Variants in CNTNAP2 observed in about 807,000 individuals in gnomAD.
CNTNAP2 encodes contactin-associated protein-like 2.
In CNTNAP2, 98 loss-of-function variants were observed where a neutral mutation model predicts 155.2. The ratio of observed to expected loss-of-function variants is 0.63; its 90% confidence interval spans 0.54 to 0.75. CNTNAP2 has a LOEUF of 0.75. Ranked by LOEUF, CNTNAP2 falls within the 30% of genes least tolerant of loss-of-function variation. The probability of loss-of-function intolerance (pLI) is 0.00; values close to 1 mark genes in which losing one functional copy is unlikely to be tolerated. For missense variants in CNTNAP2, 1,727 were observed against 1,688.1 expected (o/e 1.02, Z -0.40); for synonymous variants, 651 against 631.2 (o/e 1.03, Z -0.47).
chr7:148,361,490 G>C (rs1164007220), intron 21 of CNTNAP2, among the ~76,000 whole-genome samples: 1 of 152,128 alleles, frequency 6.6e-6, no homozygotes, highest in Non-Finnish European at 1.5e-5. Context: ...GGGACTCAGA[G>C]GGGGAACTGT....
chr7:146,146,330 T>C (rs2116766227), intron 1 of CNTNAP2, among the ~76,000 whole-genome samples: 1 of 152,280 alleles, frequency 6.6e-6, no homozygotes, highest in African/African-American at 2.4e-5. Flanking sequence ...TATAGTGGGA[T>C]AAACTAAGGC....
At chr7:146,191,393 G>T (rs1157862384) in intron 1 of CNTNAP2, among the ~76,000 whole-genome samples, 2 of 152,146 alleles carry the variant, frequency 1.3e-5, no homozygotes, top group African/African-American at 4.8e-5. Flanking sequence ...AAGGCAAATG[G>T]GGACAGAGCG....
rs61426302 is a variant in CNTNAP2 at position 146,611,251 on chromosome 7, T to C, written c.98-163020T>C. Among the ~76,000 whole-genome samples the C allele has an allele frequency of 8.6e-3, 1,302 of 152,272 alleles. 13 individuals carry two copies. Among genetic ancestry groups the C allele is most frequent in the African/African-American group, 0.03 (1,234 of 41,554 alleles). On this transcript the variant is annotated intron_variant, in intron 1 of 23. Transcript: ENST00000361727. ...ACAGGCGAACCCCATTAGGCCCAGC[T>C]AATTTTTGCTTTATTTTTTTGTCGA...
intron 1 of CNTNAP2, among the ~76,000 whole-genome samples, chr7:146,674,838 T>G: frequency 6.6e-6 from 1 of 152,194 alleles, no homozygotes; most frequent in Non-Finnish European, 1.5e-5. Flanking sequence ...AGGTTTGTTA[T>G]GCAACCTTAA....
chr7:147,021,344 A>T (rs1436784868), intron 3 of CNTNAP2, among the ~76,000 whole-genome samples: 1 of 151,622 alleles, frequency 6.6e-6, no homozygotes, highest in Non-Finnish European at 1.5e-5. Flanking sequence ...CATCCCACAT[A>T]CTCCCTTGTT....
intron 21 of CNTNAP2, among the ~76,000 whole-genome samples, chr7:148,379,274 T>C (rs1281896340): frequency 1.3e-5 from 2 of 152,108 alleles, no homozygotes; most frequent in Non-Finnish European, 2.9e-5. Flanking sequence ...GGAACATTGA[T>C]AGAAAACTAT....
At chr7:147,868,356 G>T (rs1482932390) in intron 13 of CNTNAP2, among the ~76,000 whole-genome samples, 2 of 152,254 alleles carry the variant, frequency 1.3e-5, no homozygotes, top group South Asian at 4.2e-4. Context: ...TCCCAGAGGG[G>T]TGCCTGCCTA....
In CNTNAP2 at chr7:146,124,249, TA is replaced by T. The variant is rs575673203; in HGVS notation, c.97+7286del. On this transcript the variant is annotated intron_variant, in intron 1 of 23. Transcript: ENST00000361727. ...GTATCCCAGAACTTAAAGTAAAATT[TA>T]AAAAAAAAAGTGCTTATTGTCACTT... 9.4e-5 allele frequency among the ~76,000 whole-genome samples: 14 copies of T among 148,830 alleles called. No homozygotes were observed. The South Asian group carries it at 1.1e-3, about 11-fold the overall frequency.
At chr7:147,422,545 G>T (rs1029572129) in intron 10 of CNTNAP2, among the ~76,000 whole-genome samples, 8 of 152,104 alleles carry the variant, frequency 5.3e-5, no homozygotes, top group African/African-American at 1.9e-4. Flanking sequence ...CATTCCTGGG[G>T]TGTTTAGACC....
intron 13 of CNTNAP2, among the ~76,000 whole-genome samples, chr7:147,784,046 T>C (rs1321486501): frequency 6.6e-6 from 1 of 152,106 alleles, no homozygotes; most frequent in African/African-American, 2.4e-5. Flanking sequence ...TAGAGTTCCT[T>C]GATTTGTAGA....
chr7:147,199,281 C>A (rs35265883), intron 8 of CNTNAP2, among the ~76,000 whole-genome samples: 12,861 of 152,090 alleles, frequency 0.085, 563 homozygotes, highest in Non-Finnish European at 0.11. Context: ...ATCTTAGCAT[C>A]ATAGCATGAG....
chr7:146,753,257 A>G (rs1235024071), intron 1 of CNTNAP2, among the ~76,000 whole-genome samples: 1 of 151,040 alleles, frequency 6.6e-6, no homozygotes, highest in East Asian at 1.9e-4. Context: ...CAGTCAAATA[A>G]TAACTCAGGA....
At chr7:146,978,361 A>G (rs562046210) in intron 3 of CNTNAP2, among the ~76,000 whole-genome samples, 2 of 152,256 alleles carry the variant, frequency 1.3e-5, no homozygotes, top group South Asian at 4.1e-4. Flanking sequence ...CATGGAGGGC[A>G]CCAGCTGAGT....
intron 1 of CNTNAP2, among the ~76,000 whole-genome samples, chr7:146,659,386 G>A (rs1481954994): frequency 6.6e-6 from 1 of 152,170 alleles, no homozygotes; most frequent in Non-Finnish European, 1.5e-5. Flanking sequence ...ATAGATGATA[G>A]AAGTTATTAG....
intron 1 of CNTNAP2, among the ~76,000 whole-genome samples, chr7:146,334,863 C>T (rs920682333): frequency 6.6e-6 from 1 of 152,228 alleles, no homozygotes; most frequent in Non-Finnish European, 1.5e-5. Flanking sequence ...CTTCCCTGCA[C>T]ATGTAGGTTA....
At chr7:147,444,159 C>T (rs959816781) in intron 10 of CNTNAP2, among the ~76,000 whole-genome samples, 3 of 152,068 alleles carry the variant, frequency 2.0e-5, no homozygotes, top group Non-Finnish European at 2.9e-5. Context: ...TCTATTTTAC[C>T]CTTTAAGGGG....
chr7:146,206,128 A>T (rs780493584), intron 1 of CNTNAP2, among the ~76,000 whole-genome samples: 1 of 151,962 alleles, frequency 6.6e-6, no homozygotes, highest in South Asian at 2.1e-4. Context: ...AAATTATAAC[A>T]TAAGTTTGTA....
At chr7:146,865,039 A>G (rs1267011003) in intron 3 of CNTNAP2, among the ~76,000 whole-genome samples, 2 of 150,946 alleles carry the variant, frequency 1.3e-5, no homozygotes, top group African/African-American at 4.9e-5. Context: ...GCAACAGGTT[A>G]TAAGATTAAT....
intron 21 of CNTNAP2, among the ~76,000 whole-genome samples, chr7:148,343,753 T>C (rs555450963): frequency 6.6e-6 from 1 of 152,366 alleles, no homozygotes; most frequent in South Asian, 2.1e-4. Flanking sequence ...AATTCTGGAC[T>C]AGATTACTAA....
Sources: allele counts gnomAD v4.1 joint callset (sites outside exome capture counted in the v4.1 genomes callset), GRCh38; gene constraint gnomAD v4.1.1; transcripts MANE v1.5; gene names NCBI Gene and HGNC (gene_info 2026-07-23, HGNC 2026-07-21).